RLF: variants seen among roughly 807,000 people sequenced by gnomAD.
RLF encodes RLF zinc finger.
RLF carries 7 observed loss-of-function variants against 162.9 expected under a neutral mutation model. The ratio of observed to expected loss-of-function variants is 0.04; its 90% CI spans 0.02 to 0.08. The LOEUF (loss-of-function observed/expected upper bound fraction) is 0.08, where lower values mean the gene tolerates loss of function less well. RLF is among the 10% of genes least tolerant of loss of function. The pLI is 1.00. For synonymous variants in RLF, 782 were observed against 791.5 expected, an observed-to-expected ratio of 0.99 and a Z score of 0.20; for missense variants, 1,664 against 2,244.7, an observed-to-expected ratio of 0.74 and a Z score of 5.23.
chr1:40,227,398 T>C (rs1165607998), intron 6 of RLF, among the ~76,000 whole-genome samples: 1 of 152,150 alleles, frequency 6.6e-6, no homozygotes, highest in Non-Finnish European at 1.5e-5. Flanking sequence ...TCCTAGCGCA[T>C]GTTTGATCTG....
At chr1:40,217,035 T>G (rs751120036) in intron 5 of RLF, among the ~76,000 whole-genome samples, 3 of 151,956 alleles carry the variant, frequency 2.0e-5, no homozygotes, top group African/African-American at 7.2e-5. Context: ...GGTGAGAGAG[T>G]GAGACTCTGT....
chr1:40,204,697 C>T (rs1642765579), intron 5 of RLF, among the ~76,000 whole-genome samples: 1 of 152,098 alleles, frequency 6.6e-6, no homozygotes, highest in Non-Finnish European at 1.5e-5. Context: ...GCTGGGATTA[C>T]AGGTGTGAGC....
chr1:40,169,043 A>C (rs1380344071), intron 1 of RLF, among the ~76,000 whole-genome samples: 1 of 152,108 alleles, frequency 6.6e-6, no homozygotes, highest in Admixed American at 6.6e-5. Context: ...ATATAATAAA[A>C]CTCATTGCTG....
At chr1:40,191,413 C>T (rs1642555412) in intron 3 of RLF, among the ~76,000 whole-genome samples, 1 of 152,112 alleles carries the variant, frequency 6.6e-6, no homozygotes, top group South Asian at 2.1e-4. Context: ...TGGCGGACAC[C>T]TGTAATCCCA....
At chr1:40,182,356 C>A (rs562433308) in intron 1 of RLF, among the ~76,000 whole-genome samples, 1 of 152,084 alleles carries the variant, frequency 6.6e-6, no homozygotes, top group Non-Finnish European at 1.5e-5. Context: ...GTCTCTTGAA[C>A]CTGGGAGGGG....
chr1:40,192,580 A>G (rs1292416580), intron 3 of RLF, among the ~76,000 whole-genome samples: 2 of 152,212 alleles, frequency 1.3e-5, no homozygotes, highest in African/African-American at 4.8e-5. Flanking sequence ...GCTTGCTTGA[A>G]TAAAATAGTT....
intron 5 of RLF, among the ~76,000 whole-genome samples, chr1:40,213,864 A>T (rs867282356): frequency 6.6e-6 from 1 of 152,236 alleles, no homozygotes; most frequent in Admixed American, 6.5e-5. Context: ...CCGGAATACT[A>T]GTTTACATTG....
chr1:40,202,387 CTGTT>C, intron 4 of RLF, 21 bp from the exon 5 acceptor site: 1 of 1,489,504 alleles, frequency 6.7e-7, no homozygotes, highest in African/African-American at 1.4e-5. Flanking sequence ...TGTTGTCAAA[CTGTT>C]TTATTTTTCA....
chr1:40,209,327 C>A (rs947218654), intron 5 of RLF, among the ~76,000 whole-genome samples: 3 of 152,274 alleles, frequency 2.0e-5, no homozygotes, highest in Admixed American at 1.3e-4. Context: ...AAAGTAGGCA[C>A]AACAGTAGTA....
intron 5 of RLF, among the ~76,000 whole-genome samples, chr1:40,203,750 T>C (rs747892934): frequency 2.8e-4 from 43 of 152,262 alleles, no homozygotes; most frequent in Non-Finnish European, 5.6e-4. Flanking sequence ...ATTCTTACTC[T>C]GAACTGAAAT....
chr1:40,240,510 T>A lies in RLF; in HGVS notation c.*63T>A. 2 of 1,212,144 alleles carry A rather than the reference T, an allele frequency of 1.6e-6. No individual in the cohort carries two copies. The highest frequency in any genetic ancestry group is 2.4e-6 in the Non-Finnish European group (2 of 842,612). 75.1% of individuals were successfully genotyped at this position (1,212,144 alleles called of 1,614,324 possible). A position where few individuals can be genotyped will look rare whatever the true frequency, so the allele number is the denominator to read the frequency against. ...CTGCAACATGGGGACATTTGCCAAC[T>A]CGAACAAAGGCTGAGAAGCAGCCAC... On this transcript the variant is annotated 3_prime_UTR_variant, in exon 8 of 8. Coordinates refer to ENST00000372771, the MANE Select transcript of RLF (RefSeq NM_012421.4).
At chr1:40,187,668 G>T (rs1243763259) in intron 1 of RLF, among the ~76,000 whole-genome samples, 1 of 152,098 alleles carries the variant, frequency 6.6e-6, no homozygotes, top group African/African-American at 2.4e-5. Flanking sequence ...ACTGTATATG[G>T]TATAATGGTC....
Position 40,239,809 on chromosome 1 carries a change from A to C in RLF, c.5107A>C (p.Asn1703His). The C allele has an allele frequency of 6.2e-7, 1 of 1,614,140 alleles. No homozygotes were observed. The highest frequency in any genetic ancestry group is 8.5e-7 in the Non-Finnish European group (1 of 1,180,034). Residue 1703 changes from asparagine (N) to histidine (H), a missense_variant, in exon 8 of 8, where the codon AAT (asparagine) becomes CAT (histidine). Transcript: ENST00000372771. Reference protein sequence around the residue: ...PPCKIENSIPNPNGTESGTYF... With the variant: ...PPCKIENSIPHPNGTESGTYF... ...TTGTAAAATAGAAAATTCCATACCT[A>C]ATCCCAATGGGACTGAAAGTGGGAC...
At chr1:40,164,838 A>G (rs981360255) in intron 1 of RLF, among the ~76,000 whole-genome samples, 1 of 152,198 alleles carries the variant, frequency 6.6e-6, no homozygotes, top group African/African-American at 2.4e-5. Flanking sequence ...CGTTTATATG[A>G]GACACTTTTA....
At chr1:40,226,298 A>G (rs1010149316) in intron 6 of RLF, among the ~76,000 whole-genome samples, 2 of 152,208 alleles carry the variant, frequency 1.3e-5, no homozygotes, top group Non-Finnish European at 2.9e-5. Context: ...CGTAATTGGA[A>G]TAGTCATGCA....
intron 2 of RLF, 35 bp downstream of exon 2, chr1:40,189,244 A>G: frequency 6.3e-7 from 1 of 1,578,778 alleles, no homozygotes; most frequent in Non-Finnish European, 8.7e-7. Context: ...CTTAAAATTG[A>G]GTACCATTGG....
At chr1:40,193,965 A>T (rs1642595307) in intron 3 of RLF, among the ~76,000 whole-genome samples, 2 of 152,206 alleles carry the variant, frequency 1.3e-5, no homozygotes, top group Non-Finnish European at 2.9e-5. Context: ...GGAGTTTAAA[A>T]TAAGGGAAAC....
intron 6 of RLF, 140 bp from the exon 7 acceptor site, chr1:40,231,377 G>GGT: frequency 1.6e-6 from 1 of 639,682 alleles, no homozygotes; most frequent in East Asian, 2.6e-5. Flanking sequence ...AGAAAGCAGT[G>GGT]GTGAATATAG....
At chr1:40,205,809 A>G (rs1642784747) in intron 5 of RLF, among the ~76,000 whole-genome samples, 1 of 152,000 alleles carries the variant, frequency 6.6e-6, no homozygotes, top group Non-Finnish European at 1.5e-5. Flanking sequence ...TTCTTTCAAG[A>G]CATTCTAATA....
Sources: allele counts gnomAD v4.1 joint callset (sites outside exome capture counted in the v4.1 genomes callset), GRCh38; gene constraint gnomAD v4.1.1; transcripts MANE v1.5; gene names NCBI Gene and HGNC (gene_info 2026-07-23, HGNC 2026-07-21).